Variants in GPC5 observed in about 807,000 individuals in gnomAD.
The protein encoded by GPC5 is glypican 5.
Under a neutral mutation model 53.9 loss-of-function variants are expected in GPC5, and 47 were observed. The observed-to-expected ratio is 0.87, with a 90% CI of 0.69 to 1.11. The LOEUF (loss-of-function observed/expected upper bound fraction) is 1.11. GPC5 is among the 50% of genes most tolerant of loss of function. The pLI is 0.00. For synonymous variants in GPC5, 286 were observed against 263.3 expected (o/e 1.09, Z -0.84); for missense variants, 748 against 713.1 (o/e 1.05, Z -0.56).
chr13:91,431,740 A>C (rs1244495931), intron 1 of GPC5, among the ~76,000 whole-genome samples: 1 of 152,148 alleles, frequency 6.6e-6, no homozygotes, highest in African/African-American at 2.4e-5. Flanking sequence ...ATGGACGGGG[A>C]TGTTGAGAGA....
chr13:91,765,171 TA>T (rs2037498578), intron 5 of GPC5, among the ~76,000 whole-genome samples: 1 of 152,258 alleles, frequency 6.6e-6, no homozygotes, highest in Non-Finnish European at 1.5e-5. Context: ...TCCATTTGCG[TA>T]GGCATAGGCC....
intron 7 of GPC5, among the ~76,000 whole-genome samples, chr13:92,454,671 C>A (rs1255110516): frequency 1.3e-5 from 2 of 152,150 alleles, no homozygotes; most frequent in Non-Finnish European, 2.9e-5. Context: ...ACATGGTATG[C>A]ATTTGCCCAT....
At chr13:91,868,076 G>T (rs2138924887) in intron 5 of GPC5, among the ~76,000 whole-genome samples, 1 of 152,236 alleles carries the variant, frequency 6.6e-6, no homozygotes, top group African/African-American at 2.4e-5. Context: ...TATTATTCAA[G>T]AAATTGTCTT....
At chr13:92,663,850 C>A (rs1594397803) in intron 7 of GPC5, among the ~76,000 whole-genome samples, 1 of 91,082 alleles carries the variant, frequency 1.1e-5, no homozygotes, top group Admixed American at 1.1e-4. Flanking sequence ...TATATACACA[C>A]ACACACTATA....
rs571802130 is a variant in GPC5, at chr13:91,701,032, C to T, written c.1020+7151C>T. ...TGGGGTAAATCTCTCTAAATTAATA[C>T]TGCATAAACTCATGTGTATGTCTTT... is the stretch of plus-strand genomic sequence containing the variant. On this transcript the variant is annotated intron_variant, in intron 3 of 7. Coordinates refer to ENST00000377067, the MANE Select transcript of GPC5 (RefSeq NM_004466.6). 3.3e-5 allele frequency among the ~76,000 whole-genome samples: 5 copies of T among 152,240 alleles called. No individual in the cohort carries two copies. In the South Asian group the frequency reaches 1.0e-3, roughly 32 times the overall value.
intron 5 of GPC5, among the ~76,000 whole-genome samples, chr13:91,902,446 C>T (rs1006130202): frequency 2.6e-5 from 4 of 151,984 alleles, no homozygotes; most frequent in Non-Finnish European, 5.9e-5. Context: ...ACAAGTAGTG[C>T]TTGGGGAGCA....
intron 2 of GPC5, among the ~76,000 whole-genome samples, chr13:91,522,026 A>T (rs929395213): frequency 6.6e-6 from 1 of 152,260 alleles, no homozygotes; most frequent in African/African-American, 2.4e-5. Flanking sequence ...AAGGCTGGGT[A>T]TGGAGGAAGG....
intron 7 of GPC5, among the ~76,000 whole-genome samples, chr13:92,263,400 G>A (rs1330993): frequency 0.34 from 52,029 of 151,970 alleles, 9,545 homozygotes; most frequent in African/African-American, 0.48. Context: ...GTCAACATCA[G>A]TATCTTAGGA....
chr13:91,399,627 A>G (rs968301906), intron 1 of GPC5, among the ~76,000 whole-genome samples: 4 of 152,160 alleles, frequency 2.6e-5, no homozygotes, highest in Admixed American at 6.5e-5. Flanking sequence ...TGATCGCCCC[A>G]AGTTTGGTAC....
At chr13:92,814,872 GCACTTTAAATAGCTA>G (rs893693761) in intron 7 of GPC5, among the ~76,000 whole-genome samples, 4 of 151,728 alleles carry the variant, frequency 2.6e-5, no homozygotes, top group Admixed American at 6.6e-5. Context: ...CTCTAACTGT[GCACTTTAAATAGCTA>G]CACTTTAAAT....
chr13:92,279,776 C>T (rs1394268778), intron 7 of GPC5, among the ~76,000 whole-genome samples: 5 of 151,890 alleles, frequency 3.3e-5, no homozygotes, highest in Non-Finnish European at 7.4e-5. Flanking sequence ...TTCCACTTTG[C>T]TATGGTATAT....
At chr13:92,214,146 G>T (rs144345876) in intron 7 of GPC5, among the ~76,000 whole-genome samples, 1 of 152,088 alleles carries the variant, frequency 6.6e-6, no homozygotes, top group South Asian at 2.1e-4. Flanking sequence ...TTCTATCATA[G>T]CAATACCCTC....
chr13:91,604,273 G>A (rs1037974346), intron 2 of GPC5, among the ~76,000 whole-genome samples: 6 of 141,774 alleles, frequency 4.2e-5, no homozygotes, highest in African/African-American at 1.6e-4. Context: ...CCCTACAAAG[G>A]ACATGAACTC....
chr13:92,571,245 T>C (rs1883012945), intron 7 of GPC5, among the ~76,000 whole-genome samples: 1 of 152,184 alleles, frequency 6.6e-6, no homozygotes, highest in South Asian at 2.1e-4. Flanking sequence ...GCCACATATA[T>C]GGTTCCAGTT....
At chr13:91,692,059 T>A in intron 2 of GPC5, among the ~76,000 whole-genome samples, 1 of 152,208 alleles carries the variant, frequency 6.6e-6, no homozygotes, top group Non-Finnish European at 1.5e-5. Context: ...TTTGACTTGC[T>A]GATTATTCCA....
intron 7 of GPC5, among the ~76,000 whole-genome samples, chr13:92,569,148 A>G (rs905049046): frequency 6.7e-5 from 9 of 134,608 alleles, no homozygotes; most frequent in East Asian, 2.2e-4. Context: ...TCATTGTTCA[A>G]TTCCCACCTA....
At chr13:92,774,103 A>T (rs906836957) in intron 7 of GPC5, among the ~76,000 whole-genome samples, 1 of 152,228 alleles carries the variant, frequency 6.6e-6, no homozygotes, top group South Asian at 2.1e-4. Flanking sequence ...ATTCAAGGTG[A>T]GATTTGGGTG....
intron 7 of GPC5, among the ~76,000 whole-genome samples, chr13:92,296,375 G>C (rs969219234): frequency 1.1e-4 from 17 of 152,096 alleles, no homozygotes; most frequent in African/African-American, 4.1e-4. Flanking sequence ...CACTGGGTGG[G>C]GGTAGAGCTA....
At chr13:91,756,673 C>A (rs2140128582) in intron 5 of GPC5, among the ~76,000 whole-genome samples, 1 of 147,434 alleles carries the variant, frequency 6.8e-6, no homozygotes, top group South Asian at 2.1e-4. Flanking sequence ...TACCAACAAT[C>A]CTACTTTTGA....
Sources: gnomAD v4.1 joint callset for allele counts (sites outside exome capture counted in the v4.1 genomes callset) on GRCh38, gnomAD v4.1.1 for gene constraint, MANE v1.5 for transcripts, NCBI Gene and HGNC (gene_info 2026-07-23, HGNC 2026-07-21) for gene names.